The following PDZD4 variants were observed in gnomAD, a reference collection of about 807,000 sequenced individuals.
PDZD4 encodes PDZ domain-containing protein 4.
Under a neutral mutation model 38.5 loss-of-function variants are expected in PDZD4, and 9 were observed. That is an observed-to-expected ratio of 0.23 (90% confidence interval 0.14 to 0.41). PDZD4 has a LOEUF of 0.41. Among genes scored for constraint, PDZD4 ranks in the 10% least tolerant of loss-of-function variants. PDZD4 has a pLI of 1.00. For missense variants in PDZD4, 612 were observed against 722.0 expected, an observed-to-expected ratio of 0.85 and a Z score of 1.75; for synonymous variants, 349 against 315.7, an observed-to-expected ratio of 1.11 and a Z score of -1.12.
rs1323181728 is a variant in PDZD4 at position 153,830,427 on chromosome X, C to G, written c.-129G>C. On this transcript the variant is annotated 5_prime_UTR_variant, in exon 1 of 8. Transcript: ENST00000393758. ...CTGGCGCGGGGGGCGGGCCGCCTAG[C>G]GGGGGAGGGGGGCACGCCCCCGAGG... is the stretch of plus-strand genomic sequence containing the variant. 1.0e-4 allele frequency: 33 copies of G among 329,415 alleles called. No homozygotes were observed. The highest frequency in any genetic ancestry group is 3.4e-4 in the South Asian group (6 of 17,831). 27.1% of individuals were successfully genotyped at this position (329,415 alleles called of 1,213,427 possible).
rs782785628 is a variant in PDZD4, at chrX:153,806,132, A to G, written c.506T>C (p.Val169Ala). Residue 169 changes from valine (V) to alanine (A), a missense_variant and splice_region_variant, in exon 5 of 8, where the codon GTA becomes GCA. Transcript: ENST00000393758. ...EEDLGIYVGE[V>A]NPNSIAAKDG... ...TTTGGCTGCAATGCTGTTGGGATTTACCTGCAGGACACACGCATCTTGGGG... is the reference window on the plus strand; with the variant it reads ...TTTGGCTGCAATGCTGTTGGGATTTGCCTGCAGGACACACGCATCTTGGGG... 1 of 1,211,046 alleles carries G rather than the reference A, an allele frequency of 8.3e-7. No homozygotes were observed. Among genetic ancestry groups the G allele is most frequent in the Non-Finnish European group, 1.1e-6 (1 of 895,025 alleles).
Position 153,808,542 on chromosome X carries a change from C to T in PDZD4, c.114G>A (p.Leu38=), listed in dbSNP as rs1202020539. 5.0e-6 allele frequency: 6 copies of T among 1,199,110 alleles called. No individual in the cohort carries two copies. The highest frequency in any genetic ancestry group is 2.3e-4 in the Middle Eastern group (1 of 4,288). Reference sequence around the variant, plus strand: ...TCACCAGGGGCTCCTTGGAGGAGCGCAGGGCCTGCAGAGTTTGCTCCTGAG... The same window carrying T: ...TCACCAGGGGCTCCTTGGAGGAGCGTAGGGCCTGCAGAGTTTGCTCCTGAG... ...KLSQEQTLQA[L]RSSKEPLVIQ... is the part of the protein sequence containing the mutation. Residue 38 remains leucine (L), a synonymous_variant, in exon 2 of 8, where the codon CTG becomes CTA. Coordinates refer to ENST00000393758, the MANE Select transcript of PDZD4 (RefSeq NM_001303512.2).
In PDZD4 at chrX:153,808,506, C is replaced by T. The variant is rs782674167; in HGVS notation, c.150G>A (p.Leu50=). The T allele has an allele frequency of 8.3e-7, 1 of 1,210,138 alleles. No homozygotes were observed. Among genetic ancestry groups the T allele is most frequent in the Non-Finnish European group, 1.1e-6 (1 of 894,812 alleles). ...CCCCCCGGAGGCGGGGGCTGCGTCT[C>T]AGCACCTGGATCACCAGGGGCTCCT... is the stretch of plus-strand genomic sequence containing the variant. ...SSKEPLVIQV[L]RRSPRLRGDS... is the part of the protein sequence containing the mutation. Residue 50 remains leucine (L), a synonymous_variant, in exon 2 of 8, where the codon CTG becomes CTA. Coordinates refer to ENST00000393758, the MANE Select transcript of PDZD4 (RefSeq NM_001303512.2).
chrX:153,804,081 G>T lies in PDZD4; in HGVS notation c.1600C>A (p.Arg534=). ...APPPGSPAKF[R]SLSRDPEAGR... is the part of the protein sequence containing the mutation. ...GCCTCAGGATCCCGGGAGAGGGACCGGAACTTGGCGGGGCTCCCCGGTGGA... is the reference window on the plus strand; with the variant it reads ...GCCTCAGGATCCCGGGAGAGGGACCTGAACTTGGCGGGGCTCCCCGGTGGA... The change falls in exon 8 of 8, where the codon CGG becomes AGG. Residue 534 remains arginine (R), a synonymous_variant. Coordinates refer to ENST00000393758, the MANE Select transcript of PDZD4 (RefSeq NM_001303512.2). 8.6e-7 allele frequency: 1 copy of T among 1,156,591 alleles called. No individual in the cohort carries two copies.
intron 1 of PDZD4, among the ~76,000 whole-genome samples, chrX:153,822,653 C>CTT (rs2064438201): frequency 3.3e-4 from 1 of 3,056 alleles, no homozygotes; most frequent in African/African-American, 1.1e-3. Flanking sequence ...CCCTCCCTCC[C>CTT]TCTCTCTCTC....
intron 1 of PDZD4, 128 bp from the exon 2 acceptor site, chrX:153,808,723 T>C: frequency 1.3e-6 from 1 of 792,892 alleles, no homozygotes; most frequent in Non-Finnish European, 1.7e-6. Flanking sequence ...AAGCAAGGAA[T>C]CTGCTGTCTG....
At chrX:153,808,995 C>T (rs2064283050) in intron 1 of PDZD4, among the ~76,000 whole-genome samples, 1 of 112,932 alleles carries the variant, frequency 8.9e-6, no homozygotes, top group African/African-American at 3.2e-5. Flanking sequence ...CCATTGAGTT[C>T]CTTGGCAATG....
chrX:153,818,438 C>T (rs1472456916), intron 1 of PDZD4, among the ~76,000 whole-genome samples: 1 of 110,048 alleles, frequency 9.1e-6, no homozygotes, highest in Non-Finnish European at 1.9e-5. Flanking sequence ...GACCCTGTCT[C>T]AAAAATAATA....
intron 7 of PDZD4, 73 bp downstream of exon 7, chrX:153,805,024 T>C: frequency 8.8e-7 from 1 of 1,137,607 alleles, no homozygotes; most frequent in Admixed American, 2.2e-5. Flanking sequence ...TGGGAGACCC[T>C]GCACAGCCTC....
chrX:153,828,203 G>A, intron 1 of PDZD4, among the ~76,000 whole-genome samples: 2 of 112,311 alleles, frequency 1.8e-5, no homozygotes, highest in East Asian at 5.6e-4. Context: ...TGAAGAGGCT[G>A]GGACCTGGTG....
chrX:153,804,054 C>T lies in PDZD4; in HGVS notation c.1627G>A (p.Gly543Ser), dbSNP rs574179746. Residue 543 changes from glycine (G) to serine (S), a missense_variant, in exon 8 of 8, where the codon GGC (glycine) becomes AGC (serine). Gly to Ser is a moderately conservative substitution (Grantham distance 56, BLOSUM62 0). Coordinates refer to ENST00000393758, the MANE Select transcript of PDZD4 (RefSeq NM_001303512.2). ...CGCTCCTCCGCGTGCTGCCTCCGGCCGGCCTCAGGATCCCGGGAGAGGGAC... is the reference window on the plus strand; with the variant it reads ...CGCTCCTCCGCGTGCTGCCTCCGGCTGGCCTCAGGATCCCGGGAGAGGGAC... The part of the protein sequence containing the change: ...FRSLSRDPEA[G>S]RRQHAEERGR... 55 of 1,158,424 alleles carry T rather than the reference C, an allele frequency of 4.7e-5. 1 individual carries two copies. In the South Asian group the frequency reaches 9.4e-4, roughly 20 times the overall value.
chrX:153,807,237 C>T, intron 3 of PDZD4, 42 bp downstream of exon 3: 1 of 1,179,821 alleles, frequency 8.5e-7, no homozygotes. Flanking sequence ...CGGGGCGGCT[C>T]CCGCAGCTGG....
chrX:153,803,642 C>T lies in PDZD4; in HGVS notation c.2039G>A (p.Arg680His). ...CTTCCGCTCCTCCTTGCTCCAGTAG[C>T]GGCCCATCTTCATCTCGCTCACCGC... The part of the protein sequence containing the change: ...DDAVSEMKMG[R>H]YWSKEERKQH... The change falls in exon 8 of 8, where the codon CGC (arginine) becomes CAC (histidine). Residue 680 changes from arginine (R) to histidine (H), a missense_variant. Arg to His is a conservative substitution (Grantham distance 29). Around this residue, in one of 3 missense-constraint regions of PDZD4, gnomAD observed 87 missense variants for 126.3 expected, o/e 0.69. Coordinates refer to ENST00000393758, the MANE Select transcript of PDZD4 (RefSeq NM_001303512.2). 1 of 1,210,464 alleles carries T rather than the reference C, an allele frequency of 8.3e-7. No homozygotes were observed. The highest frequency in any genetic ancestry group is 1.1e-6 in the Non-Finnish European group (1 of 895,576).
At chrX:153,824,175 T>C (rs2064456260) in intron 1 of PDZD4, among the ~76,000 whole-genome samples, 1 of 111,682 alleles carries the variant, frequency 9.0e-6, no homozygotes, top group Admixed American at 9.5e-5. Context: ...ATCTGCTCTC[T>C]GGCACTATCG....
intron 1 of PDZD4, among the ~76,000 whole-genome samples, chrX:153,826,334 C>T (rs183779604): frequency 8.1e-5 from 9 of 111,103 alleles, no homozygotes; most frequent in Admixed American, 1.9e-4. Flanking sequence ...TGTAGATAAT[C>T]CTGAGGAATC....
At position 153,806,093 on chromosome X, in the gene PDZD4, C is replaced by T. The variant is rs1557076935; in HGVS notation, c.545G>A (p.Arg182His). The change falls in exon 5 of 8, where the codon CGT becomes CAT. Residue 182 changes from arginine (R) to histidine (H), a missense_variant. This residue lies in a region of PDZD4 where 225 missense variants were observed against 311.0 expected (regional missense o/e 0.72). Transcript: ENST00000393758. Reference sequence around the variant, plus strand: ...CACCTGGATGATGCGGTCTCCCTCACGGATCCGGCCGTCTTTGGCTGCAAT... The same window carrying T: ...CACCTGGATGATGCGGTCTCCCTCATGGATCCGGCCGTCTTTGGCTGCAAT... ...NSIAAKDGRI[R>H]EGDRIIQING... The T allele has an allele frequency of 3.3e-6, 4 of 1,210,378 alleles. No individual in the cohort carries two copies. Among genetic ancestry groups the T allele is most frequent in the South Asian group, 3.5e-5 (2 of 56,888 alleles).
At chrX:153,830,138 C>A (rs1557083444) in intron 1 of PDZD4, 101 bp downstream of exon 1, 2 of 810,550 alleles carry the variant, frequency 2.5e-6, no homozygotes, top group Non-Finnish European at 3.4e-6. Context: ...TTGTCCTCCT[C>A]GAGCCCTCCC....
rs781956893 is a variant in PDZD4, at chrX:153,805,620, G to A, written c.568-14C>T. 1.3e-5 allele frequency: 15 copies of A among 1,186,358 alleles called. No individual in the cohort carries two copies. In the South Asian group the frequency reaches 1.9e-4, roughly 15 times the overall value. ...TACACCGTTAATCTGAGGCAGGCAG[G>A]ATACAATCAACAAGCATGCTAGGGC... On this transcript the variant is annotated splice_polypyrimidine_tract_variant and intron_variant, in intron 5 of 7. Transcript: ENST00000393758.
At chrX:153,829,797 T>C (rs1255469987) in intron 1 of PDZD4, 3 of 754,674 alleles carry the variant, frequency 4.0e-6, no homozygotes, top group Non-Finnish European at 4.7e-6. Flanking sequence ...GGTGTCGGGG[T>C]GGGCACCCAG....
Sources: gnomAD v4.1 joint callset for allele counts (sites outside exome capture counted in the v4.1 genomes callset) on GRCh38, gnomAD v4.1.1 for gene constraint, gnomAD v4.1.1 regional missense constraint, MANE v1.5 for transcripts, NCBI Gene and HGNC (gene_info 2026-07-23, HGNC 2026-07-21) for gene names.